ROR2: variants seen among roughly 807,000 people sequenced by gnomAD.
The protein encoded by ROR2 is ROR family WNT receptor 2, also known as tyrosine-protein kinase transmembrane receptor ROR2.
ROR2 carries 33 observed loss-of-function variants against 74.9 expected under a neutral mutation model. The ratio of observed to expected loss-of-function variants is 0.44; its 90% CI spans 0.33 to 0.59. The LOEUF is 0.59. ROR2 is among the 20% of genes least tolerant of loss of function. The pLI, the probability that ROR2 is intolerant of heterozygous loss-of-function variation, is 0.02. For synonymous variants in ROR2, 586 were observed against 558.7 expected, an observed-to-expected ratio of 1.05 and a Z score of -0.69; for missense variants, 1,216 against 1,313.8, an observed-to-expected ratio of 0.93 and a Z score of 1.15.
chr9:91,742,138 C>G lies in ROR2; in HGVS notation c.495-4620G>C, dbSNP rs889516843. On this transcript the variant is annotated intron_variant, in intron 4 of 8. Transcript: ENST00000375708. The stretch of plus-strand genomic sequence containing the variant: ...TCATGGTGGGAGGCACAAGGCACTT[C>G]TTACATTGGCAGCGGCAAGAGAAAA... 3.9e-5 allele frequency among the ~76,000 whole-genome samples: 6 copies of G among 152,302 alleles called. No individual in the cohort carries two copies. In the East Asian group the frequency reaches 9.7e-4, roughly 25 times the overall value.
At chr9:91,879,582 C>T (rs1169760067) in intron 1 of ROR2, among the ~76,000 whole-genome samples, 1 of 152,160 alleles carries the variant, frequency 6.6e-6, no homozygotes, top group African/African-American at 2.4e-5. Context: ...TTCATAAACC[C>T]TTCAACACTT....
chr9:91,813,654 A>G (rs1047850660), intron 1 of ROR2, among the ~76,000 whole-genome samples: 2 of 152,230 alleles, frequency 1.3e-5, no homozygotes, highest in African/African-American at 4.8e-5. Context: ...TTGAACCCAG[A>G]GCAGCTTCTG....
chr9:91,841,473 T>G (rs1033713840), intron 1 of ROR2, among the ~76,000 whole-genome samples: 1 of 152,272 alleles, frequency 6.6e-6, no homozygotes, highest in African/African-American at 2.4e-5. Flanking sequence ...TGACACAGAC[T>G]GGCAAAGGCC....
At chr9:91,934,118 A>T (rs1831621809) in intron 1 of ROR2, among the ~76,000 whole-genome samples, 1 of 152,026 alleles carries the variant, frequency 6.6e-6, no homozygotes, top group Non-Finnish European at 1.5e-5. Flanking sequence ...CGGGGGGGCG[A>T]GTGAAAAGGG....
intron 1 of ROR2, among the ~76,000 whole-genome samples, chr9:91,804,328 C>T (rs1827482248): frequency 6.6e-6 from 1 of 152,210 alleles, no homozygotes; most frequent in East Asian, 1.9e-4. Context: ...GCAATTAACA[C>T]AGCCCTAATT....
At chr9:91,883,985 G>A (rs1830199427) in intron 1 of ROR2, among the ~76,000 whole-genome samples, 1 of 152,118 alleles carries the variant, frequency 6.6e-6, no homozygotes, top group Non-Finnish European at 1.5e-5. Context: ...ATTGAGACAA[G>A]TACACAAAAG....
At chr9:91,834,315 C>T (rs1233463756) in intron 1 of ROR2, among the ~76,000 whole-genome samples, 1 of 152,216 alleles carries the variant, frequency 6.6e-6, no homozygotes, top group Non-Finnish European at 1.5e-5. Context: ...CCCAGGACCA[C>T]GTCCCCGCGT....
intron 4 of ROR2, among the ~76,000 whole-genome samples, chr9:91,754,997 G>GA (rs1366157401): frequency 1.3e-5 from 2 of 152,040 alleles, no homozygotes; most frequent in Non-Finnish European, 2.9e-5. Context: ...CAAAAAATAA[G>GA]AAAAAATTAT....
intron 5 of ROR2, among the ~76,000 whole-genome samples, chr9:91,735,996 A>C (rs953837779): frequency 6.6e-6 from 1 of 152,198 alleles, no homozygotes; most frequent in Non-Finnish European, 1.5e-5. Context: ...TATTCCCTGT[A>C]ACCTATGTCA....
chr9:91,773,570 G>T (rs1255351823), intron 2 of ROR2, among the ~76,000 whole-genome samples: 2 of 152,244 alleles, frequency 1.3e-5, no homozygotes, highest in African/African-American at 4.8e-5. Context: ...AAACTGAAAT[G>T]TAGCTAGTAC....
intron 1 of ROR2, among the ~76,000 whole-genome samples, chr9:91,919,654 T>G (rs1403611555): frequency 1.3e-5 from 2 of 152,146 alleles, no homozygotes; most frequent in East Asian, 3.9e-4. Context: ...GCTCTAAGTC[T>G]CCTGGAAAAC....
At chr9:91,804,263 A>G (rs1013963424) in intron 1 of ROR2, among the ~76,000 whole-genome samples, 8 of 151,990 alleles carry the variant, frequency 5.3e-5, no homozygotes, top group Admixed American at 2.0e-4. Context: ...GTTTACCACC[A>G]CCTTTGCCTC....
intron 1 of ROR2, among the ~76,000 whole-genome samples, chr9:91,812,319 C>T (rs781125598): frequency 5.3e-5 from 8 of 152,022 alleles, no homozygotes; most frequent in Non-Finnish European, 1.2e-4. Context: ...GCAAACAGGT[C>T]GTTGAGATTA....
At chr9:91,858,374 AAC>A (rs906869856) in intron 1 of ROR2, among the ~76,000 whole-genome samples, 2 of 152,022 alleles carry the variant, frequency 1.3e-5, no homozygotes, top group Non-Finnish European at 1.5e-5. Flanking sequence ...CGAACGCACA[AAC>A]ACACACACAT....
Position 91,724,949 on chromosome 9 carries a change from C to T in ROR2, c.1545G>A (p.Gly515=). 6.2e-7 allele frequency: 1 copy of T among 1,613,228 alleles called. No homozygotes were observed. The highest frequency in any genetic ancestry group is 8.5e-7 in the Non-Finnish European group (1 of 1,179,752). Residue 515 remains glycine (G), a synonymous_variant, in exon 9 of 9, where the codon GGG becomes GGA. Transcript: ENST00000375708. ...AIKTLKDKAE[G]PLREEFRHEA... Reference sequence around the variant, plus strand: ...CATGCCGGAACTCCTCCCGCAGGGGCCCCTCCGCTTTGTCCTTCAGCGTTT... The same window carrying T: ...CATGCCGGAACTCCTCCCGCAGGGGTCCCTCCGCTTTGTCCTTCAGCGTTT...
chr9:91,939,157 G>A (rs1005043903), intron 1 of ROR2, among the ~76,000 whole-genome samples: 6 of 152,188 alleles, frequency 3.9e-5, no homozygotes, highest in South Asian at 2.1e-4. Flanking sequence ...GGCTGAGGCA[G>A]GGGAATTGCC....
chr9:91,941,227 G>A (rs1022816980), intron 1 of ROR2, among the ~76,000 whole-genome samples: 1 of 150,784 alleles, frequency 6.6e-6, no homozygotes, highest in African/African-American at 2.4e-5. Context: ...TCGATCTGCT[G>A]ACCTCGTGAT....
intron 1 of ROR2, among the ~76,000 whole-genome samples, chr9:91,851,973 T>TA (rs61049113): frequency 0.37 from 51,411 of 138,790 alleles, 10,525 homozygotes; most frequent in African/African-American, 0.56. Flanking sequence ...AAGACTCTGT[T>TA]AAAAAAAAAA....
chr9:91,884,088 A>T (rs1201648661), intron 1 of ROR2, among the ~76,000 whole-genome samples: 2 of 152,192 alleles, frequency 1.3e-5, no homozygotes, highest in African/African-American at 4.8e-5. Flanking sequence ...CACCAAAGGG[A>T]AGCTCTGTAC....
Sources: allele counts gnomAD v4.1 joint callset (sites outside exome capture counted in the v4.1 genomes callset), GRCh38; gene constraint gnomAD v4.1.1; transcripts MANE v1.5; gene names NCBI Gene and HGNC (gene_info 2026-07-23, HGNC 2026-07-21).